The following FERD3L variants were observed in gnomAD, a reference collection of about 807,000 sequenced individuals.
The protein encoded by FERD3L is fer3-like protein.
Under a neutral mutation model 7.5 loss-of-function variants are expected in FERD3L, and 7 were observed. The observed-to-expected ratio is 0.94, with a 90% CI of 0.53 to 1.76. The LOEUF (loss-of-function observed/expected upper bound fraction) is 1.76. Ranked by LOEUF, FERD3L falls within the 40% of genes most tolerant of loss-of-function variation. FERD3L has a pLI of 0.00. For missense variants in FERD3L, 264 were observed against 220.9 expected, an observed-to-expected ratio of 1.20 and a Z score of -1.24; for synonymous variants, 122 against 94.4, an observed-to-expected ratio of 1.29 and a Z score of -1.70.
In FERD3L at chr7:19,145,042, G is replaced by A; in HGVS notation, c.321C>T (p.Asn107=). 1.2e-6 allele frequency: 2 copies of A among 1,614,204 alleles called. No individual in the cohort carries two copies. Among genetic ancestry groups the A allele is most frequent in the East Asian group, 2.2e-5 (1 of 44,858 alleles). Residue 107 remains asparagine (N), a synonymous_variant, in exon 1 of 1, where the codon AAC becomes AAT. Coordinates refer to ENST00000275461, the MANE Select transcript of FERD3L (RefSeq NM_152898.2). ...VITYAQRQAA[N]IRERKRMFNL... is the part of the protein sequence containing the mutation. ...TGAACATCCGCTTCCTTTCGCGGAT[G>A]TTGGCGGCCTGGCGCTGGGCGTAGG...
At position 19,144,927 on chromosome 7, in the gene FERD3L, C is replaced by T. The variant is rs781291894; in HGVS notation, c.436G>A (p.Ala146Thr). The T allele has an allele frequency of 1.2e-6, 2 of 1,614,162 alleles. No individual in the cohort carries two copies. Among genetic ancestry groups the T allele is most frequent in the East Asian group, 2.2e-5 (1 of 44,870 alleles). The change falls in exon 1 of 1, where the codon GCC becomes ACC. Residue 146 changes from alanine to threonine, a missense_variant. Coordinates refer to ENST00000275461, the MANE Select transcript of FERD3L (RefSeq NM_152898.2). The stretch of plus-strand genomic sequence containing the variant: ...GTCATGAAGGAGATATAGACGATGG[C>T]CAGGCGGAGGGTCTCGATCCGGGAC... ...RLSRIETLRL[A>T]IVYISFMTEL...
At position 19,145,380 on chromosome 7, in the gene FERD3L, G is replaced by C. The variant is rs770152463; in HGVS notation, c.-18C>G. On this transcript the variant is annotated 5_prime_UTR_variant, in exon 1 of 1. Coordinates refer to ENST00000275461, the MANE Select transcript of FERD3L (RefSeq NM_152898.2). ...GCCGCCATCGCTTCGGCTTGGCCCTGCCTCTCATCGGTTTTCCGCAGGGAG... is the reference window on the plus strand; with the variant it reads ...GCCGCCATCGCTTCGGCTTGGCCCTCCCTCTCATCGGTTTTCCGCAGGGAG... 1 of 1,561,358 alleles carries C rather than the reference G, an allele frequency of 6.4e-7. No homozygotes were observed. The highest frequency in any genetic ancestry group is 8.7e-7 in the Non-Finnish European group (1 of 1,151,914).
Position 19,145,158 on chromosome 7 carries a change from C to G in FERD3L, c.205G>C (p.Val69Leu), listed in dbSNP as rs1482083772. The change falls in exon 1 of 1, where the codon GTG becomes CTG. Residue 69 changes from valine to leucine, a missense_variant. By Grantham distance (32) the Val-to-Leu change is conservative. Coordinates refer to ENST00000275461, the MANE Select transcript of FERD3L (RefSeq NM_152898.2). ...EGDPEEEECE[V>L]DQGDGEEEEE... Reference sequence around the variant, plus strand: ...TCCTCTTCTCCGTCCCCCTGGTCCACTTCGCACTCCTCTTCTTCTGGGTCC... The same window carrying G: ...TCCTCTTCTCCGTCCCCCTGGTCCAGTTCGCACTCCTCTTCTTCTGGGTCC... 1.2e-6 allele frequency: 2 copies of G among 1,613,422 alleles called. No individual in the cohort carries two copies. Among genetic ancestry groups the G allele is most frequent in the African/African-American group, 2.7e-5 (2 of 74,934 alleles).
rs769635262 is a variant in FERD3L, at chr7:19,145,135, C to T, written c.228G>A (p.Glu76=). ...ECEVDQGDGE[E]EEEEERGRGV... ...CTCTTCCGCGCTCCTCTTCCTCCTC[C>T]TCTTCTCCGTCCCCCTGGTCCACTT... Residue 76 remains glutamate, a synonymous_variant, in exon 1 of 1, where the codon GAG becomes GAA. Coordinates refer to ENST00000275461, the MANE Select transcript of FERD3L (RefSeq NM_152898.2). The T allele has an allele frequency of 6.2e-7, 1 of 1,612,828 alleles. No homozygotes were observed. Among genetic ancestry groups the T allele is most frequent in the Non-Finnish European group, 8.5e-7 (1 of 1,179,010 alleles).
chr7:19,145,008 C>G lies in FERD3L; in HGVS notation c.355G>C (p.Glu119Gln). The change falls in exon 1 of 1, where the codon GAG (glutamate) becomes CAG (glutamine). Residue 119 changes from glutamate to glutamine, a missense_variant. Glu to Gln is a conservative substitution (Grantham distance 29). Transcript: ENST00000275461. Reference sequence around the variant, plus strand: ...TTCCTCCGCAGCTGGTCAAAGGCCTCGTTGAGGTTGAACATCCGCTTCCTT... The same window carrying G: ...TTCCTCCGCAGCTGGTCAAAGGCCTGGTTGAGGTTGAACATCCGCTTCCTT... ...RERKRMFNLN[E>Q]AFDQLRRKVP... 3 of 1,614,184 alleles carry G rather than the reference C, an allele frequency of 1.9e-6. No individual in the cohort carries two copies. The highest frequency in any genetic ancestry group is 1.3e-5 in the African/African-American group (1 of 75,042).
At position 19,144,841 on chromosome 7, in the gene FERD3L, G is replaced by A; in HGVS notation, c.*21C>T. 6.2e-7 allele frequency: 1 copy of A among 1,609,566 alleles called. No homozygotes were observed. The highest frequency in any genetic ancestry group is 8.5e-7 in the Non-Finnish European group (1 of 1,176,670). ...ACCCCAGCACTACCAGACGAGGAAG[G>A]GCAGACTCTCCACACCAGGCTCAGC... is the stretch of plus-strand genomic sequence containing the variant. On this transcript the variant is annotated 3_prime_UTR_variant, in exon 1 of 1. Coordinates refer to ENST00000275461, the MANE Select transcript of FERD3L (RefSeq NM_152898.2).
Position 19,145,085 on chromosome 7 carries a change from T to C in FERD3L, c.278A>G (p.Lys93Arg). 1.2e-6 allele frequency: 2 copies of C among 1,614,044 alleles called. No individual in the cohort carries two copies. The highest frequency in any genetic ancestry group is 1.7e-6 in the Non-Finnish European group (2 of 1,179,978). Residue 93 changes from lysine (K) to arginine (R), a missense_variant, in exon 1 of 1, where the codon AAG becomes AGG. Transcript: ENST00000275461. ...GRGVSLLGRP[K>R]RKRVITYAQR... The stretch of plus-strand genomic sequence containing the variant: ...GGCGTAGGTGATCACCCTTTTCCTC[T>C]TGGGGCGGCCTAATAGGGAGACACC...
rs760668502 is a variant in FERD3L, at chr7:19,144,833, C to T, written c.*29G>A. 1.2e-6 allele frequency: 2 copies of T among 1,605,090 alleles called. No homozygotes were observed. Among genetic ancestry groups the T allele is most frequent in the South Asian group, 2.2e-5 (2 of 90,092 alleles). On this transcript the variant is annotated 3_prime_UTR_variant, in exon 1 of 1. Transcript: ENST00000275461. ...CCTGACACACCCCAGCACTACCAGA[C>T]GAGGAAGGGCAGACTCTCCACACCA... is the stretch of plus-strand genomic sequence containing the variant.
Position 19,144,900 on chromosome 7 carries a change from C to G in FERD3L, c.463G>C (p.Glu155Gln), listed in dbSNP as rs1788955612. 1.2e-6 allele frequency: 2 copies of G among 1,614,024 alleles called. No homozygotes were observed. The highest frequency in any genetic ancestry group is 2.7e-5 in the African/African-American group (2 of 74,922). The change falls in exon 1 of 1, where the codon GAG (glutamate) becomes CAG (glutamine). Residue 155 changes from glutamate (E) to glutamine (Q), a missense_variant. Glu to Gln is a conservative substitution (Grantham distance 29). Transcript: ENST00000275461. ...TTCTTCTCACAGCTCTCCAAGAGCT[C>G]GGTCATGAAGGAGATATAGACGATG... ...LAIVYISFMT[E>Q]LLESCEKKES...
Position 19,145,123 on chromosome 7 carries a change from C to CCCT in FERD3L, c.239_240insAGG (p.Glu80_Glu81insGly), listed in dbSNP as rs1554444809. The CCCT allele has an allele frequency of 6.2e-7, 1 of 1,612,336 alleles. No individual in the cohort carries two copies. The highest frequency in any genetic ancestry group is 8.5e-7 in the Non-Finnish European group (1 of 1,178,706). ...ATAGGGAGACACCTCTTCCGCGCTC[C>CCCT]TCTTCCTCCTCCTCTTCTCCGTCCC... is the stretch of plus-strand genomic sequence containing the variant. On this transcript the variant is annotated inframe_insertion, in exon 1 of 1. Transcript: ENST00000275461.
In FERD3L at chr7:19,144,805, G is replaced by C; in HGVS notation, c.*57C>G. 1 of 1,577,722 alleles carries C rather than the reference G, an allele frequency of 6.3e-7. No homozygotes were observed. The highest frequency in any genetic ancestry group is 8.6e-7 in the Non-Finnish European group (1 of 1,159,176). On this transcript the variant is annotated 3_prime_UTR_variant, in exon 1 of 1. Coordinates refer to ENST00000275461, the MANE Select transcript of FERD3L (RefSeq NM_152898.2). ...GGCCCTTTAGCCTCACCCAGTGCCC[G>C]GTCCTGACACACCCCAGCACTACCA...
rs757571462 is a variant in FERD3L, at chr7:19,145,272, A to C, written c.91T>G (p.Cys31Gly). 1.2e-6 allele frequency: 2 copies of C among 1,613,736 alleles called. No homozygotes were observed. The highest frequency in any genetic ancestry group is 1.7e-6 in the Non-Finnish European group (2 of 1,179,996). The change falls in exon 1 of 1, where the codon TGC becomes GGC. Residue 31 changes from cysteine to glycine, a missense_variant. Transcript: ENST00000275461. ...AAGGAGACCCCGGGTGCGAAGTCGC[A>C]GAGGAGAGGGCGTCTCGGGGAGGCC... is the stretch of plus-strand genomic sequence containing the variant. ...SLASPRRPLL[C>G]DFAPGVSLGD...
rs1163897698 is a variant in FERD3L at position 19,145,067 on chromosome 7, G to T, written c.296C>A (p.Thr99Asn). 6.2e-7 allele frequency: 1 copy of T among 1,614,142 alleles called. No individual in the cohort carries two copies. The highest frequency in any genetic ancestry group is 2.2e-5 in the East Asian group (1 of 44,848). ...GTTGGCGGCCTGGCGCTGGGCGTAG[G>T]TGATCACCCTTTTCCTCTTGGGGCG... The part of the protein sequence containing the change: ...LGRPKRKRVI[T>N]YAQRQAANIR... Residue 99 changes from threonine (T) to asparagine (N), a missense_variant, in exon 1 of 1, where the codon ACC becomes AAC. Coordinates refer to ENST00000275461, the MANE Select transcript of FERD3L (RefSeq NM_152898.2).
rs1459992811 is a variant in FERD3L, at chr7:19,144,795, C to T, written c.*67G>A. 6.4e-7 allele frequency: 1 copy of T among 1,566,676 alleles called. No homozygotes were observed. ...CCTCCCTCCCGGCCCTTTAGCCTCA[C>T]CCAGTGCCCGGTCCTGACACACCCC... On this transcript the variant is annotated 3_prime_UTR_variant, in exon 1 of 1. Coordinates refer to ENST00000275461, the MANE Select transcript of FERD3L (RefSeq NM_152898.2).
Position 19,144,822 on chromosome 7 carries a change from G to T in FERD3L, c.*40C>A, listed in dbSNP as rs1369436309. 2 of 1,599,612 alleles carry T rather than the reference G, an allele frequency of 1.3e-6. No individual in the cohort carries two copies. The highest frequency in any genetic ancestry group is 8.5e-7 in the Non-Finnish European group (1 of 1,171,024). On this transcript the variant is annotated 3_prime_UTR_variant, in exon 1 of 1. Coordinates refer to ENST00000275461, the MANE Select transcript of FERD3L (RefSeq NM_152898.2). ...CAGTGCCCGGTCCTGACACACCCCA[G>T]CACTACCAGACGAGGAAGGGCAGAC...
At position 19,145,270 on chromosome 7, in the gene FERD3L, G is replaced by T. The variant is rs931736445; in HGVS notation, c.93C>A (p.Cys31Ter). Residue 31 changes from cysteine (C) to a stop codon, truncating the protein, a stop_gained, in exon 1 of 1, where the codon TGC becomes TGA. Coordinates refer to ENST00000275461, the MANE Select transcript of FERD3L (RefSeq NM_152898.2). LOFTEE classifies it high-confidence loss of function. ...CCAAGGAGACCCCGGGTGCGAAGTC[G>T]CAGAGGAGAGGGCGTCTCGGGGAGG... Reference protein sequence around the residue: ...SLASPRRPLLCDFAPGVSLGD... With the variant: ...SLASPRRPLL 1 of 1,613,616 alleles carries T rather than the reference G, an allele frequency of 6.2e-7. No homozygotes were observed.
In FERD3L at chr7:19,145,025, C is replaced by T. The variant is rs1788958001; in HGVS notation, c.338G>A (p.Arg113Gln). The change falls in exon 1 of 1, where the codon CGG becomes CAG. Residue 113 changes from arginine to glutamine, a missense_variant. By Grantham distance (43) the Arg-to-Gln change is conservative. Coordinates refer to ENST00000275461, the MANE Select transcript of FERD3L (RefSeq NM_152898.2). ...RQAANIRERK[R>Q]MFNLNEAFDQ... ...AAAGGCCTCGTTGAGGTTGAACATC[C>T]GCTTCCTTTCGCGGATGTTGGCGGC... is the stretch of plus-strand genomic sequence containing the variant. 6.2e-7 allele frequency: 1 copy of T among 1,614,082 alleles called. No homozygotes were observed. The highest frequency in any genetic ancestry group is 1.3e-5 in the African/African-American group (1 of 74,918).
rs200768511 is a variant in FERD3L, at chr7:19,145,024, C to G, written c.339G>C (p.Arg113=). The G allele has an allele frequency of 2.9e-5, 47 of 1,614,214 alleles. No individual in the cohort carries two copies. In the East Asian group the frequency reaches 8.7e-4, roughly 30 times the overall value. The change falls in exon 1 of 1, where the codon CGG becomes CGC. Residue 113 remains arginine, a synonymous_variant. Transcript: ENST00000275461. ...RQAANIRERK[R]MFNLNEAFDQ... ...CAAAGGCCTCGTTGAGGTTGAACAT[C>G]CGCTTCCTTTCGCGGATGTTGGCGG...
chr7:19,144,844 A>T lies in FERD3L; in HGVS notation c.*18T>A. 6.2e-7 allele frequency: 1 copy of T among 1,610,158 alleles called. No homozygotes were observed. Among genetic ancestry groups the T allele is most frequent in the Non-Finnish European group, 8.5e-7 (1 of 1,176,978 alleles). On this transcript the variant is annotated 3_prime_UTR_variant, in exon 1 of 1. Coordinates refer to ENST00000275461, the MANE Select transcript of FERD3L (RefSeq NM_152898.2). Reference sequence around the variant, plus strand: ...CCAGCACTACCAGACGAGGAAGGGCAGACTCTCCACACCAGGCTCAGCCGC... The same window carrying T: ...CCAGCACTACCAGACGAGGAAGGGCTGACTCTCCACACCAGGCTCAGCCGC...
Sources: allele counts gnomAD v4.1 joint callset, GRCh38; gene constraint gnomAD v4.1.1; transcripts MANE v1.5; gene names NCBI Gene and HGNC (gene_info 2026-07-23, HGNC 2026-07-21).